Variants in MRPS25 observed in about 807,000 individuals in gnomAD.
MRPS25 encodes small ribosomal subunit protein mS25.
In MRPS25, 15 loss-of-function variants were observed where a neutral mutation model predicts 17.3. The observed-to-expected ratio is 0.87, with a 90% CI of 0.58 to 1.34. MRPS25 has a LOEUF of 1.34. Among genes scored for constraint, MRPS25 ranks in the 40% most tolerant of loss-of-function variants. MRPS25 has a pLI of 0.00. For missense variants in MRPS25, 225 were observed against 218.6 expected (o/e 1.03, Z -0.19); for synonymous variants, 94 against 83.3 (o/e 1.13, Z -0.70).
chr3:15,065,244 A>G lies in MRPS25; in HGVS notation c.-50T>C, dbSNP rs1025746680. 6.5e-6 allele frequency: 10 copies of G among 1,540,478 alleles called. No homozygotes were observed. In the East Asian group the frequency reaches 2.2e-4, roughly 33 times the overall value. On this transcript the variant is annotated 5_prime_UTR_variant, in exon 1 of 4. Coordinates refer to ENST00000253686, the MANE Select transcript of MRPS25 (RefSeq NM_022497.5). ...CCCACGGGCCGCGAGCCGAGCAGCG[A>G]CGAGAAAGGACTAGCTAGCACCCGC...
rs866856951 is a variant in MRPS25 at position 15,052,705 on chromosome 3, G to A, written c.330-72C>T. 40 of 1,491,608 alleles carry A rather than the reference G, an allele frequency of 2.7e-5. No homozygotes were observed. In the Middle Eastern group the frequency reaches 5.3e-4, roughly 20 times the overall value. 92.4% of individuals were successfully genotyped at this position (1,491,608 alleles called of 1,614,324 possible). ...GCAGGCACAGGGCAGTTTCTCAGCC[G>A]AGACAACCCCACCATCCACCAGGGA... On this transcript the variant is annotated intron_variant, in intron 3 of 3. Transcript: ENST00000253686.
chr3:15,043,022 C>A (rs751532636), downstream of MRPS25: 3 of 1,610,290 alleles, frequency 1.9e-6, no homozygotes, highest in Non-Finnish European at 2.5e-6. Context: ...AAACCACACA[C>A]CTGCCAAGGA....
At chr3:15,044,076 C>T (rs1575054853), downstream of MRPS25, 1 of 152,092 alleles carries the variant, frequency 6.6e-6, no homozygotes, top group African/African-American at 2.4e-5. Context: ...CTCCAAATGC[C>T]CCCTTGAAAA....
At chr3:15,058,419 G>A (rs1230101611) in intron 2 of MRPS25, among the ~76,000 whole-genome samples, 3 of 152,132 alleles carry the variant, frequency 2.0e-5, no homozygotes, top group Non-Finnish European at 4.4e-5. Context: ...TCGATCTCCT[G>A]ACCTCGTGAT....
At position 15,050,186 on chromosome 3, in the gene MRPS25, C is replaced by A. The variant is rs549493708; in HGVS notation, c.*2255G>T. 8.2e-7 allele frequency: 1 copy of A among 1,220,938 alleles called. No individual in the cohort carries two copies. Among genetic ancestry groups the A allele is most frequent in the South Asian group, 1.9e-5 (1 of 53,052 alleles). 75.6% of individuals were successfully genotyped at this position (1,220,938 alleles called of 1,614,324 possible). On this transcript the variant is annotated 3_prime_UTR_variant, in exon 4 of 4. Coordinates refer to ENST00000253686, the MANE Select transcript of MRPS25 (RefSeq NM_022497.5). ...AAAAAGAAAATAATGTTTATTTCCA[C>A]AAATTATCTGCTGCCTGTGAAGCTG...
At position 15,065,309 on chromosome 3, in the gene MRPS25, T is replaced by G; in HGVS notation, c.-115A>C. On this transcript the variant is annotated 5_prime_UTR_variant, in exon 1 of 4. Transcript: ENST00000253686. Reference sequence around the variant, plus strand: ...GCTTCTCCCCAGAGCCAGGTTCCACTTCCCGCGCAGACGCACAGGAGACGC... The same window carrying G: ...GCTTCTCCCCAGAGCCAGGTTCCACGTCCCGCGCAGACGCACAGGAGACGC... 3.6e-6 allele frequency: 5 copies of G among 1,384,704 alleles called. No individual in the cohort carries two copies. Among genetic ancestry groups the G allele is most frequent in the Non-Finnish European group, 4.7e-6 (5 of 1,059,960 alleles). 85.8% of individuals were successfully genotyped at this position (1,384,704 alleles called of 1,614,324 possible).
In MRPS25 at chr3:15,051,740, C is replaced by T; in HGVS notation, c.*701G>A. 1.0e-6 allele frequency: 1 copy of T among 985,606 alleles called. No individual in the cohort carries two copies. The highest frequency in any genetic ancestry group is 1.2e-6 in the Non-Finnish European group (1 of 830,084). 61.1% of individuals were successfully genotyped at this position (985,606 alleles called of 1,614,324 possible). A position where few individuals can be genotyped will look rare whatever the true frequency, so the allele number is the denominator to read the frequency against. ...ACTAGGTGGTGTCTCCTCATTTCCT[C>T]CATGGCCTACAAACCTCCCTGCTAA... On this transcript the variant is annotated 3_prime_UTR_variant, in exon 4 of 4. Transcript: ENST00000253686.
At chr3:15,042,685 A>G, downstream of MRPS25, 1 of 639,216 alleles carries the variant, frequency 1.6e-6, no homozygotes. Context: ...TATAAGAGGA[A>G]CTGTTGAAAT....
At chr3:15,044,760 C>T (rs2042392261), downstream of MRPS25, 1 of 152,266 alleles carries the variant, frequency 6.6e-6, no homozygotes, top group South Asian at 2.1e-4. Context: ...TGGCCAGCTA[C>T]AGACGCCCCT....
chr3:15,059,265 T>A (rs2042714822), intron 2 of MRPS25, 104 bp downstream of exon 2: 2 of 805,136 alleles, frequency 2.5e-6, no homozygotes, highest in Non-Finnish European at 4.2e-6. Context: ...AGACACACCA[T>A]GACAGCGCAC....
intron 2 of MRPS25, among the ~76,000 whole-genome samples, chr3:15,055,893 A>G (rs1388493212): frequency 7.1e-6 from 1 of 141,472 alleles, no homozygotes; most frequent in African/African-American, 2.8e-5. Flanking sequence ...TCGACAAGAA[A>G]GCAGCCCGTT....
Position 15,050,400 on chromosome 3 carries a change from C to A in MRPS25, c.*2041G>T. ...GGTCACCACTCCTTTTGGTTCAGGACATTCCTGCTGGTTAGCAGCCTCTTT... is the reference window on the plus strand; with the variant it reads ...GGTCACCACTCCTTTTGGTTCAGGAAATTCCTGCTGGTTAGCAGCCTCTTT... On this transcript the variant is annotated 3_prime_UTR_variant, in exon 4 of 4. Transcript: ENST00000253686. 9.9e-7 allele frequency: 1 copy of A among 1,010,344 alleles called. No individual in the cohort carries two copies. The highest frequency in any genetic ancestry group is 4.1e-5 in the South Asian group (1 of 24,492). The allele number at this position is 1,010,344 out of a possible 1,614,324, so 62.6% of individuals were successfully genotyped here.
intron 1 of MRPS25, among the ~76,000 whole-genome samples, chr3:15,064,763 C>A (rs891034255): frequency 6.6e-6 from 1 of 152,238 alleles, no homozygotes; most frequent in African/African-American, 2.4e-5. Context: ...GCCAGAGGGG[C>A]CAAGGGAACT....
At chr3:15,055,955 T>G (rs1028824600) in intron 2 of MRPS25, among the ~76,000 whole-genome samples, 2 of 151,658 alleles carry the variant, frequency 1.3e-5, no homozygotes, top group African/African-American at 4.8e-5. Context: ...GGCTCATGCC[T>G]GTAATCCCAG....
rs752085061 is a variant in MRPS25, at chr3:15,050,616, A to T, written c.*1825T>A. On this transcript the variant is annotated 3_prime_UTR_variant, in exon 4 of 4. Coordinates refer to ENST00000253686, the MANE Select transcript of MRPS25 (RefSeq NM_022497.5). Reference sequence around the variant, plus strand: ...GGGTGGGGAACTGAAACCAGCAGACATGGGAGGGCTCTCTGTGGAGGAGAG... The same window carrying T: ...GGGTGGGGAACTGAAACCAGCAGACTTGGGAGGGCTCTCTGTGGAGGAGAG... 6.1e-5 allele frequency: 60 copies of T among 985,338 alleles called. No homozygotes were observed. Among genetic ancestry groups the T allele is most frequent in the Non-Finnish European group, 7.1e-5 (59 of 829,968 alleles). The allele number at this position is 985,338 out of a possible 1,614,324, so 61.0% of individuals were successfully genotyped here.
At position 15,052,167 on chromosome 3, in the gene MRPS25, C is replaced by A. The variant is rs923060850; in HGVS notation, c.*274G>T. The A allele has an allele frequency of 4.8e-5, 56 of 1,167,950 alleles. No individual in the cohort carries two copies. Among genetic ancestry groups the A allele is most frequent in the Non-Finnish European group, 5.6e-5 (53 of 945,606 alleles). 72.3% of individuals were successfully genotyped at this position (1,167,950 alleles called of 1,614,324 possible). On this transcript the variant is annotated 3_prime_UTR_variant, in exon 4 of 4. Transcript: ENST00000253686. ...TCTCAGGCCCAAAGCCTTTCTGCTA[C>A]ACAGGCCTTCCTCTTCACTAGGACC...
chr3:15,062,567 G>A lies in MRPS25; in HGVS notation c.134+2494C>T, dbSNP rs993623062. ...CCGGCCACCACCCCATCTGGGAGGTGTGCCCAACAGCTCATTGAGAACGGG... is the reference window on the plus strand; with the variant it reads ...CCGGCCACCACCCCATCTGGGAGGTATGCCCAACAGCTCATTGAGAACGGG... On this transcript the variant is annotated intron_variant, in intron 1 of 3. Coordinates refer to ENST00000253686, the MANE Select transcript of MRPS25 (RefSeq NM_022497.5). Among the ~76,000 whole-genome samples, 277 of 152,158 alleles carry A rather than the reference G, an allele frequency of 1.8e-3. 1 individual carries two copies. The highest frequency in any genetic ancestry group is 3.4e-3 in the Non-Finnish European group (232 of 67,996).
chr3:15,051,211 T>A lies in MRPS25; in HGVS notation c.*1230A>T. The A allele has an allele frequency of 1.0e-6, 1 of 977,368 alleles. No homozygotes were observed. Among genetic ancestry groups the A allele is most frequent in the Non-Finnish European group, 1.2e-6 (1 of 822,594 alleles). The allele number at this position is 977,368 out of a possible 1,614,324, so 60.5% of individuals were successfully genotyped here. On this transcript the variant is annotated 3_prime_UTR_variant, in exon 4 of 4. Transcript: ENST00000253686. ...TAAAAAATTTTTTTTCTTGAGACAG[T>A]CTTGCTCTGTGGCCCAGGCTGGAGT...
chr3:15,050,652 CCAG>C lies in MRPS25; in HGVS notation c.*1786_*1788del, dbSNP rs773315882. ...CTCTGTGGAGGAGAGCTTTTTCCAC[CCAG>C]CCAAAATGCTGATAGCAGAGAGACA... is the stretch of plus-strand genomic sequence containing the variant. On this transcript the variant is annotated 3_prime_UTR_variant, in exon 4 of 4. Transcript: ENST00000253686. 9.1e-6 allele frequency: 9 copies of C among 985,188 alleles called. No homozygotes were observed. Among genetic ancestry groups the C allele is most frequent in the Admixed American group, 6.2e-5 (1 of 16,242 alleles). 61.0% of individuals were successfully genotyped at this position (985,188 alleles called of 1,614,324 possible). A position where few individuals can be genotyped will look rare whatever the true frequency, so the allele number is the denominator to read the frequency against.
Sources: gnomAD v4.1 joint callset for allele counts (sites outside exome capture counted in the v4.1 genomes callset) on GRCh38, gnomAD v4.1.1 for gene constraint, MANE v1.5 for transcripts, NCBI Gene and HGNC (gene_info 2026-07-23, HGNC 2026-07-21) for gene names.